Variants in ARID1A observed in about 807,000 individuals in gnomAD.
ARID1A encodes AT-rich interaction domain 1A.
In ARID1A, 20 loss-of-function variants were observed where a neutral mutation model predicts 212.6. The ratio of observed to expected loss-of-function variants is 0.09; its 90% confidence interval spans 0.07 to 0.14. ARID1A has a LOEUF of 0.14. Ranked by LOEUF, ARID1A falls within the 10% of genes least tolerant of loss-of-function variation. The probability of loss-of-function intolerance (pLI) is 1.00; values close to 1 mark genes in which losing one functional copy is unlikely to be tolerated. For synonymous variants in ARID1A, 1,376 were observed against 1,222.1 expected (o/e 1.13, Z -2.63); for missense variants, 2,587 against 3,059.0 (o/e 0.85, Z 3.64).
In ARID1A at chr1:26,696,561, C is replaced by G. The variant is rs1323868717; in HGVS notation, c.158C>G (p.Ala53Gly). 1.6e-6 allele frequency: 2 copies of G among 1,230,634 alleles called. No individual in the cohort carries two copies. The highest frequency in any genetic ancestry group is 2.0e-6 in the Non-Finnish European group (2 of 989,874). 76.2% of individuals were successfully genotyped at this position (1,230,634 alleles called of 1,614,324 possible). Residue 53 changes from alanine (A) to glycine (G), a missense_variant, in exon 1 of 20, where the codon GCC (alanine) becomes GGC (glycine). Physicochemically the swap from Ala to Gly is moderately conservative, Grantham distance 60. Coordinates refer to ENST00000324856, the MANE Select transcript of ARID1A (RefSeq NM_006015.6). ...AAAERGEMKA[A>G]AGQESEGPAV... ...GCCGAGCGCGGGGAAATGAAGGCAG[C>G]CGCCGGGCAGGAAAGCGAGGGCCCC...
intron 4 of ARID1A, among the ~76,000 whole-genome samples, chr1:26,760,445 T>G (rs1239724732): frequency 6.6e-6 from 1 of 152,066 alleles, no homozygotes; most frequent in Admixed American, 6.5e-5. Context: ...CCCAGCACTT[T>G]GGGAGGCCAA....
intron 1 of ARID1A, among the ~76,000 whole-genome samples, chr1:26,716,200 T>C (rs2080500996): frequency 7.4e-6 from 1 of 134,742 alleles, no homozygotes; most frequent in South Asian, 2.3e-4. Flanking sequence ...CGAGATTCCG[T>C]CTCAAAAAAA....
chr1:26,773,205 G>A (rs1415554047), intron 14 of ARID1A, 141 bp from the exon 15 acceptor site: 1 of 1,313,654 alleles, frequency 7.6e-7, no homozygotes, highest in Admixed American at 2.7e-5. Context: ...CGCTGGTTGG[G>A]GCCTCTTTAG....
intron 1 of ARID1A, among the ~76,000 whole-genome samples, chr1:26,704,942 G>C (rs1236937719): frequency 6.6e-6 from 1 of 152,060 alleles, no homozygotes; most frequent in Non-Finnish European, 1.5e-5. Context: ...CTTAATCCTT[G>C]TGGAGCCTCT....
rs2124119417 is a variant in ARID1A at position 26,774,661 on chromosome 1, A to G, written c.4434A>G (p.Pro1478=). The change falls in exon 18 of 20, where the codon CCA becomes CCG. Residue 1478 remains proline, a synonymous_variant. Coordinates refer to ENST00000324856, the MANE Select transcript of ARID1A (RefSeq NM_006015.6). This position sits in a 1 kb window ranked among gnomAD's most constrained non-coding sequence, Gnocchi z 5.6. ...PGTNAQQNMP[P]QMMGGPIQAS... ...CCAATGCCCAGCAAAACATGCCACC[A>G]CAAATGATGGGCGGCCCCATACAGG... 6.2e-7 allele frequency: 1 copy of G among 1,614,170 alleles called. No homozygotes were observed.
chr1:26,726,263 C>T (rs1242538240), intron 1 of ARID1A, among the ~76,000 whole-genome samples: 1 of 150,394 alleles, frequency 6.6e-6, no homozygotes, highest in Non-Finnish European at 1.5e-5. Context: ...GTCTTCGCCT[C>T]CCAGGTTCAA....
intron 4 of ARID1A, among the ~76,000 whole-genome samples, chr1:26,737,426 C>A (rs1337511106): frequency 6.6e-6 from 1 of 152,148 alleles, no homozygotes; most frequent in Non-Finnish European, 1.5e-5. Flanking sequence ...CCTGACTCTA[C>A]TTACTTAAAT....
rs1271125263 is a variant in ARID1A, at chr1:26,762,328, ACTACCCAGTTAG to A, written c.2419+10_2419+21del. 3.7e-6 allele frequency: 6 copies of A among 1,611,650 alleles called. No homozygotes were observed. Among genetic ancestry groups the A allele is most frequent in the Non-Finnish European group, 5.1e-6 (6 of 1,179,018 alleles). On this transcript the variant is annotated intron_variant, in intron 7 of 19. Transcript: ENST00000324856. ...TCAGTATGGCCCACAAGGTCAGTAT[ACTACCCAGTTAG>A]GAGTAGATACGGGTGAGAGGAGAAA...
Position 26,761,420 on chromosome 1 carries a change from C to T in ARID1A, c.2198C>T (p.Ser733Leu), listed in dbSNP as rs757025491. ...QMPPRPPSGQ[S>L]DSIMHPSMNQ... ...CCACCTCGGCCACCCAGTGGCCAGT[C>T]GGACAGCATCATGCATCCTTCCATG... The change falls in exon 6 of 20, where the codon TCG becomes TTG. Residue 733 changes from serine to leucine, a missense_variant. Around this residue, in one of 11 missense-constraint regions of ARID1A, gnomAD observed 674 missense variants for 813.4 expected, o/e 0.83. Transcript: ENST00000324856. The T allele has an allele frequency of 4.5e-5, 72 of 1,614,072 alleles. No individual in the cohort carries two copies. Among genetic ancestry groups the T allele is most frequent in the Non-Finnish European group, 5.4e-5 (64 of 1,180,046 alleles).
Position 26,774,380 on chromosome 1 carries a change from G to A in ARID1A, c.4153G>A (p.Glu1385Lys), listed in dbSNP as rs761500441. Residue 1385 changes from glutamate to lysine, a missense_variant, in exon 18 of 20, where the codon GAA becomes AAA. By Grantham distance (56) the Glu-to-Lys change is moderately conservative (BLOSUM62 1). Coordinates refer to ENST00000324856, the MANE Select transcript of ARID1A (RefSeq NM_006015.6). The surrounding 1 kb of genome is among the most constrained non-coding windows in gnomAD (Gnocchi z 5.6). ...ATATGGCCCTCCTGCCAAGCGGCAC[G>A]AAGGGGAGATGTACAGCGTGCCATA... Reference protein sequence around the residue: ...GTYGPPAKRHEGEMYSVPYST... With the variant: ...GTYGPPAKRHKGEMYSVPYST... The A allele has an allele frequency of 2.5e-6, 4 of 1,573,640 alleles. No homozygotes were observed. The highest frequency in any genetic ancestry group is 1.9e-5 in the Admixed American group (1 of 53,862).
Position 26,696,187 on chromosome 1 carries a change from C to CTT in ARID1A, c.-217_-216insTT. The stretch of plus-strand genomic sequence containing the variant: ...GCTGAGCCGCCGGCGCCTCGGCCGC[C>CTT]GCCGCCGCCTCCTCCTCCTCCGCCG... On this transcript the variant is annotated 5_prime_UTR_variant, in exon 1 of 20. It removes the in-frame stop codon of an upstream open reading frame in the 5' UTR. Coordinates refer to ENST00000324856, the MANE Select transcript of ARID1A (RefSeq NM_006015.6). 4.5e-6 allele frequency: 3 copies of CTT among 666,840 alleles called. No individual in the cohort carries two copies. Among genetic ancestry groups the CTT allele is most frequent in the Non-Finnish European group, 6.0e-6 (3 of 497,862 alleles). The allele number at this position is 666,840 out of a possible 1,614,324, so 41.3% of individuals were successfully genotyped here. A position where few individuals can be genotyped will look rare whatever the true frequency, so the allele number is the denominator to read the frequency against.
intron 1 of ARID1A, among the ~76,000 whole-genome samples, chr1:26,724,000 C>G (rs947812499): frequency 3.3e-5 from 5 of 152,106 alleles, no homozygotes; most frequent in Admixed American, 1.3e-4. Context: ...CCTTAACTAC[C>G]GCTCTCTGAG....
At chr1:26,739,761 T>A (rs2080770265) in intron 4 of ARID1A, among the ~76,000 whole-genome samples, 2 of 152,082 alleles carry the variant, frequency 1.3e-5, no homozygotes, top group Admixed American at 1.3e-4. Flanking sequence ...ACTGGATCCC[T>A]TCCTTTAGTG....
At chr1:26,733,268 T>A (rs1004036940) in intron 4 of ARID1A, among the ~76,000 whole-genome samples, 16 of 151,718 alleles carry the variant, frequency 1.1e-4, no homozygotes, top group Non-Finnish European at 1.8e-4. Context: ...TTTTTTTTTT[T>A]ATTTTTGGTA....
intron 4 of ARID1A, among the ~76,000 whole-genome samples, chr1:26,756,995 C>T (rs1022467656): frequency 5.3e-5 from 8 of 152,282 alleles, no homozygotes; most frequent in Admixed American, 5.2e-4. Context: ...AGCCACTGCG[C>T]CCGGCCCAAT....
intron 4 of ARID1A, among the ~76,000 whole-genome samples, chr1:26,755,382 T>C (rs1022920334): frequency 6.6e-6 from 1 of 152,186 alleles, no homozygotes; most frequent in African/African-American, 2.4e-5. Context: ...ATAAGAAGAT[T>C]AATGCTCTTC....
chr1:26,736,954 A>G (rs187895432), intron 4 of ARID1A, among the ~76,000 whole-genome samples: 2 of 151,984 alleles, frequency 1.3e-5, no homozygotes, highest in East Asian at 3.9e-4. Flanking sequence ...TACAAAAACT[A>G]TAAAGAACAG....
chr1:26,729,723 C>G lies in ARID1A; in HGVS notation c.1210C>G (p.Gln404Glu), dbSNP rs2080654412. ...PYGGTNPYSQ[Q>E]QGPPSGPQQG... ...TGGCGGGACTAACCCATACTCGCAG[C>G]AACAGGGACCTCCGTCAGGACCGCA... Residue 404 changes from glutamine (Q) to glutamate (E), a missense_variant, in exon 2 of 20, where the codon CAA becomes GAA. Physicochemically the swap from Gln to Glu is conservative, Grantham distance 29. This residue lies in a region of ARID1A where 674 missense variants were observed against 813.4 expected (regional missense o/e 0.83). Transcript: ENST00000324856. 1 of 1,614,128 alleles carries G rather than the reference C, an allele frequency of 6.2e-7. No individual in the cohort carries two copies.
Position 26,732,719 on chromosome 1 carries a change from C to T in ARID1A, c.1847C>T (p.Pro616Leu), listed in dbSNP as rs1193987712. 2.5e-6 allele frequency: 4 copies of T among 1,614,050 alleles called. No individual in the cohort carries two copies. Among genetic ancestry groups the T allele is most frequent in the Non-Finnish European group, 3.4e-6 (4 of 1,179,980 alleles). Reference sequence around the variant, plus strand: ...TTTGGGTCTCAGGCATCCTCAGCCCCCTCAATGACCTCCAGTAAGGGAGGG... The same window carrying T: ...TTTGGGTCTCAGGCATCCTCAGCCCTCTCAATGACCTCCAGTAAGGGAGGG... ...DSFGSQASSA[P>L]SMTSSKGGQE... The change falls in exon 4 of 20, where the codon CCC (proline) becomes CTC (leucine). Residue 616 changes from proline to leucine, a missense_variant. Pro to Leu is a moderately conservative substitution (Grantham distance 98). Around this residue, in one of 11 missense-constraint regions of ARID1A, gnomAD observed 674 missense variants for 813.4 expected, o/e 0.83. Transcript: ENST00000324856.
Sources: gnomAD v4.1 joint callset for allele counts (sites outside exome capture counted in the v4.1 genomes callset) on GRCh38, gnomAD v4.1.1 for gene constraint, gnomAD v4.1.1 regional missense constraint, Gnocchi (gnomAD v3.1) non-coding constraint, MANE v1.5 for transcripts, NCBI Gene and HGNC (gene_info 2026-07-23, HGNC 2026-07-21) for gene names.